The following GNPDA1 variants were observed in gnomAD, a reference collection of about 807,000 sequenced individuals.
The protein encoded by GNPDA1 is GNPDA 1.
GNPDA1 carries 24 observed loss-of-function variants against 28.5 expected under a neutral mutation model. The observed-to-expected ratio is 0.84, with a 90% CI of 0.61 to 1.19. The LOEUF (loss-of-function observed/expected upper bound fraction) is 1.19, where lower values mean the gene tolerates loss of function less well. Among genes scored for constraint, GNPDA1 ranks in the 50% most tolerant of loss-of-function variants. The pLI is 0.00. For missense variants in GNPDA1, 264 were observed against 367.3 expected (o/e 0.72, Z 2.30); for synonymous variants, 147 against 139.3 (o/e 1.06, Z -0.39).
intron 1 of GNPDA1, 149 bp from the exon 2 acceptor site, chr5:142,012,190 G>C: frequency 1.4e-6 from 1 of 714,454 alleles, no homozygotes; most frequent in Non-Finnish European, 2.2e-6. Flanking sequence ...ATTCACAGAG[G>C]AGCTAAGAGG....
chr5:142,012,113 G>A, intron 1 of GNPDA1, 72 bp from the exon 2 acceptor site: 1 of 1,456,654 alleles, frequency 6.9e-7, no homozygotes, highest in Non-Finnish European at 9.4e-7. Flanking sequence ...GAGGTGGTGG[G>A]AGAAGCTTCT....
intron 4 of GNPDA1, 51 bp downstream of exon 4, chr5:142,006,093 C>T (rs1755796289): frequency 3.4e-6 from 5 of 1,486,692 alleles, no homozygotes; most frequent in Non-Finnish European, 4.6e-6. Context: ...TCTTGTCCTC[C>T]TTCCCACGGG....
intron 5 of GNPDA1, 69 bp downstream of exon 5, chr5:142,004,863 G>T: frequency 9.6e-7 from 1 of 1,040,752 alleles, no homozygotes; most frequent in Non-Finnish European, 1.4e-6. Flanking sequence ...GGTGGTACCA[G>T]TATAGTTAAG....
intron 4 of GNPDA1, among the ~76,000 whole-genome samples, chr5:142,005,819 T>G (rs1246069114): frequency 6.6e-6 from 1 of 152,104 alleles, no homozygotes; most frequent in East Asian, 1.9e-4. Context: ...TGTGGAGCCT[T>G]CCGGAACTAC....
At chr5:142,006,118 T>C in intron 4 of GNPDA1, 26 bp downstream of exon 4, 4 of 1,589,382 alleles carry the variant, frequency 2.5e-6, no homozygotes, top group Non-Finnish European at 3.4e-6. Flanking sequence ...GCCCTGGACA[T>C]GTGTGCTGCA....
Position 142,002,028 on chromosome 5 carries a change from G to A in GNPDA1, c.*1C>T. The A allele has an allele frequency of 6.6e-7, 1 of 1,513,848 alleles. No homozygotes were observed. Among genetic ancestry groups the A allele is most frequent in the Non-Finnish European group, 9.2e-7 (1 of 1,088,912 alleles). 93.8% of individuals were successfully genotyped at this position (1,513,848 alleles called of 1,614,324 possible). ...TACTTGACACTAGGTCCCAGCACAG[G>A]CTAATCGCTGTATGGTTTCTTCGAA... On this transcript the variant is annotated 3_prime_UTR_variant, in exon 7 of 7. Coordinates refer to ENST00000311337, the MANE Select transcript of GNPDA1 (RefSeq NM_005471.5).
chr5:142,001,379 G>A lies in GNPDA1; in HGVS notation c.*650C>T, dbSNP rs1014361530. On this transcript the variant is annotated 3_prime_UTR_variant, in exon 7 of 7. Transcript: ENST00000311337. ...GAAGTTTGACGTGGCTGGGCCCCTT[G>A]AGGCTCTGGATTTATCAATAGAAGC... The A allele has an allele frequency of 6.6e-6, 1 of 152,292 alleles. No individual in the cohort carries two copies. Among genetic ancestry groups the A allele is most frequent in the Non-Finnish European group, 1.5e-5 (1 of 68,066 alleles). 9.4% of individuals were successfully genotyped at this position (152,292 alleles called of 1,614,324 possible). A position where few individuals can be genotyped will look rare whatever the true frequency, so the allele number is the denominator to read the frequency against.
chr5:142,011,755 G>T, intron 2 of GNPDA1, 157 bp downstream of exon 2: 1 of 696,360 alleles, frequency 1.4e-6, no homozygotes, highest in Non-Finnish European at 2.4e-6. Context: ...AGGGAAGCTG[G>T]GTCCTTTGTA....
chr5:142,008,880 G>C (rs896251646), intron 2 of GNPDA1, among the ~76,000 whole-genome samples: 1 of 152,130 alleles, frequency 6.6e-6, no homozygotes. Context: ...GGACAATTGA[G>C]AAAAAATTGT....
intron 1 of GNPDA1, chr5:142,012,646 G>C (rs960503768): frequency 5.4e-6 from 3 of 553,846 alleles, no homozygotes; most frequent in Admixed American, 1.3e-4. Context: ...TGGACTAGCG[G>C]AGGGGTCTTC....
At chr5:142,007,431 C>G (rs936532729) in intron 3 of GNPDA1, among the ~76,000 whole-genome samples, 1 of 152,056 alleles carries the variant, frequency 6.6e-6, no homozygotes, top group Non-Finnish European at 1.5e-5. Context: ...AGCACAGACA[C>G]AGATCCTAGG....
At chr5:142,005,357 C>T (rs1292210536) in intron 4 of GNPDA1, 3 of 390,714 alleles carry the variant, frequency 7.7e-6, no homozygotes. Context: ...ATCTGAGGCA[C>T]ACACAGACAT....
Position 142,012,036 on chromosome 5 carries a change from C to T in GNPDA1, c.-1G>A, listed in dbSNP as rs756671802. On this transcript the variant is annotated 5_prime_UTR_variant, in exon 2 of 7. Transcript: ENST00000311337. ...AGTGCTCCAGGATGATGAGCTTCAT[C>T]TTGTCCTGCAGTGGGGGAGAGGGGA... 9.4e-6 allele frequency: 15 copies of T among 1,592,694 alleles called. No individual in the cohort carries two copies. In the South Asian group the frequency reaches 1.5e-4, roughly 16 times the overall value.
intron 2 of GNPDA1, 26 bp downstream of exon 2, chr5:142,011,886 G>C (rs781159502): frequency 6.2e-7 from 1 of 1,613,344 alleles, no homozygotes; most frequent in Non-Finnish European, 8.5e-7. Flanking sequence ...CCTTATCCAC[G>C]GCACCCTCTC....
chr5:142,006,394 A>G, intron 3 of GNPDA1, 68 bp from the exon 4 acceptor site: 1 of 1,211,058 alleles, frequency 8.3e-7, no homozygotes, highest in Non-Finnish European at 1.2e-6. Context: ...GAAGGATGCC[A>G]GGACACCATG....
At chr5:142,005,224 CTG>C (rs1247898494) in intron 4 of GNPDA1, 108 bp from the exon 5 acceptor site, 1 of 827,806 alleles carries the variant, frequency 1.2e-6, no homozygotes, top group Non-Finnish European at 1.9e-6. Flanking sequence ...TCATTGAAAG[CTG>C]TGTCACCTTT....
chr5:142,006,821 CT>C (rs76438387), intron 3 of GNPDA1, among the ~76,000 whole-genome samples: 80 of 144,138 alleles, frequency 5.6e-4, no homozygotes, highest in Non-Finnish European at 5.2e-4. Context: ...CCCAGATCAA[CT>C]TTTTTTTTTT....
In GNPDA1 at chr5:142,011,775, G is replaced by A. The variant is rs1003511805; in HGVS notation, c.124+137C>T. ...AGCTGGGTCCTTTGTATGTGGAAGG[G>A]GCAGGAAGGTGCTCTCTCAGCACCA... On this transcript the variant is annotated intron_variant, in intron 2 of 6. Coordinates refer to ENST00000311337, the MANE Select transcript of GNPDA1 (RefSeq NM_005471.5). The A allele has an allele frequency of 6.5e-6, 6 of 919,576 alleles. No individual in the cohort carries two copies. In the African/African-American group the frequency reaches 8.2e-5, roughly 13 times the overall value. 57.0% of individuals were successfully genotyped at this position (919,576 alleles called of 1,614,324 possible). A position where few individuals can be genotyped will look rare whatever the true frequency, so the allele number is the denominator to read the frequency against.
At position 142,001,997 on chromosome 5, in the gene GNPDA1, T is replaced by C; in HGVS notation, c.*32A>G. On this transcript the variant is annotated 3_prime_UTR_variant, in exon 7 of 7. Transcript: ENST00000311337. ...ATTTCCAGAAAGACCTGCCTTTCCC[T>C]ATGGGTACTTGACACTAGGTCCCAG... 9.3e-7 allele frequency: 1 copy of C among 1,076,612 alleles called. No individual in the cohort carries two copies. Among genetic ancestry groups the C allele is most frequent in the Non-Finnish European group, 1.4e-6 (1 of 702,760 alleles). The allele number at this position is 1,076,612 out of a possible 1,614,324, so 66.7% of individuals were successfully genotyped here.
Sources: allele counts gnomAD v4.1 joint callset (sites outside exome capture counted in the v4.1 genomes callset), GRCh38; gene constraint gnomAD v4.1.1; transcripts MANE v1.5; gene names NCBI Gene and HGNC (gene_info 2026-07-23, HGNC 2026-07-21).